Variants in KMT2A observed in about 807,000 individuals in gnomAD.
KMT2A encodes lysine methyltransferase 2A.
A neutral mutation model predicts 345.3 loss-of-function variants in KMT2A; 16 were observed. That is an observed-to-expected ratio of 0.05 (90% confidence interval 0.03 to 0.07). The LOEUF (loss-of-function observed/expected upper bound fraction) is 0.07, where lower values mean the gene tolerates loss of function less well. Ranked by LOEUF, KMT2A falls within the 10% of genes least tolerant of loss-of-function variation. The probability of loss-of-function intolerance (pLI) is 1.00; values close to 1 mark genes in which losing one functional copy is unlikely to be tolerated. For missense variants in KMT2A, 3,272 were observed against 4,841.6 expected (o/e 0.68, Z 9.62); for synonymous variants, 1,599 against 1,778.6 (o/e 0.90, Z 2.54).
chr11:118,491,592 G>T lies in KMT2A; in HGVS notation c.4820-152G>T. 1 of 666,340 alleles carries T rather than the reference G, an allele frequency of 1.5e-6. No individual in the cohort carries two copies. The highest frequency in any genetic ancestry group is 2.4e-6 in the Non-Finnish European group (1 of 412,724). The allele number at this position is 666,340 out of a possible 1,614,324, so 41.3% of individuals were successfully genotyped here. On this transcript the variant is annotated intron_variant, in intron 14 of 35. Coordinates refer to ENST00000534358, the MANE Select transcript of KMT2A (RefSeq NM_001197104.2). This position sits in a 1 kb window ranked among gnomAD's most constrained non-coding sequence, Gnocchi z 4.2. ...GTGTTAATTAATAATGCCACTTTTT[G>T]AGATCAATATGTGTCATATCCATGA...
intron 31 of KMT2A, among the ~76,000 whole-genome samples, chr11:118,514,452 T>C (rs1241948862): frequency 3.3e-5 from 5 of 151,574 alleles, no homozygotes; most frequent in African/African-American, 1.2e-4. Flanking sequence ...TTTTTTTTTT[T>C]TTCTCCAAGA....
chr11:118,458,980 G>T (rs1949697339), intron 1 of KMT2A, among the ~76,000 whole-genome samples: 1 of 152,226 alleles, frequency 6.6e-6, no homozygotes, highest in South Asian at 2.1e-4. Flanking sequence ...TGCATCAGGA[G>T]TGATTTTGAT....
rs1555038045 is a variant in KMT2A, at chr11:118,478,002, C to T, written c.3370C>T (p.Pro1124Ser). 1.2e-6 allele frequency: 2 copies of T among 1,614,082 alleles called. No individual in the cohort carries two copies. The highest frequency in any genetic ancestry group is 2.2e-5 in the South Asian group (2 of 91,068). ...AATTGCTGGCTCAGAAGATGCTGAA[C>T]CTCTTGCTCCACCCATCAAACCAAT... ...SSIAGSEDAE[P>S]LAPPIKPIKP... is the part of the protein sequence containing the mutation. The change falls in exon 5 of 36, where the codon CCT becomes TCT. Residue 1124 changes from proline (P) to serine (S), a missense_variant. Physicochemically the swap from Pro to Ser is moderately conservative, Grantham distance 74 (BLOSUM62 -1). Around this residue, in one of 27 missense-constraint regions of KMT2A, gnomAD observed 33 missense variants for 46.5 expected, o/e 0.71. Coordinates refer to ENST00000534358, the MANE Select transcript of KMT2A (RefSeq NM_001197104.2).
rs1555035894 is a variant in KMT2A, at chr11:118,472,455, G to C, written c.1296G>C (p.Glu432Asp). 1 of 1,613,890 alleles carries C rather than the reference G, an allele frequency of 6.2e-7. No individual in the cohort carries two copies. Among genetic ancestry groups the C allele is most frequent in the Non-Finnish European group, 8.5e-7 (1 of 1,179,996 alleles). Residue 432 changes from glutamate to aspartate, a missense_variant, in exon 3 of 36, where the codon GAG (glutamate) becomes GAC (aspartate). Physicochemically the swap from Glu to Asp is conservative, Grantham distance 45. Around this residue, in one of 27 missense-constraint regions of KMT2A, gnomAD observed 180 missense variants for 190.7 expected, o/e 0.94. Transcript: ENST00000534358. ...CCCCTCGGCGGTTTATAGAGGATGA[G>C]GATTATGACCCTCCAATTAAAATTG... ...IKTPRRFIED[E>D]DYDPPIKIAR...
intron 22 of KMT2A, 68 bp from the exon 23 acceptor site, chr11:118,499,235 C>T (rs1950459410): frequency 1.0e-6 from 1 of 959,478 alleles, no homozygotes; most frequent in Non-Finnish European, 1.7e-6. Context: ...CACTCTGAGA[C>T]AGTCAGGATC....
In KMT2A at chr11:118,524,456, G is replaced by C. The variant is rs1162496414; in HGVS notation, c.*2284G>C. On this transcript the variant is annotated 3_prime_UTR_variant, in exon 36 of 36. Coordinates refer to ENST00000534358, the MANE Select transcript of KMT2A (RefSeq NM_001197104.2). The stretch of plus-strand genomic sequence containing the variant: ...AGAACTTTGTCTGGTGGCTTTGCTG[G>C]AACATTGTCACTGTTTTCACTGTCA... 1.6e-5 allele frequency: 3 copies of C among 189,086 alleles called. No individual in the cohort carries two copies. The highest frequency in any genetic ancestry group is 2.2e-5 in the Non-Finnish European group (2 of 89,590). The allele number at this position is 189,086 out of a possible 1,614,324, so 11.7% of individuals were successfully genotyped here.
intron 4 of KMT2A, among the ~76,000 whole-genome samples, chr11:118,477,513 T>TTC (rs1950060144): frequency 7.8e-6 from 1 of 128,482 alleles, no homozygotes; most frequent in Non-Finnish European, 1.6e-5. Flanking sequence ...TTTTTTTTTT[T>TTC]TTTTTTTTTT....
rs1364750842 is a variant in KMT2A at position 118,510,229 on chromosome 11, G to A, written c.11071+111G>A. 2.5e-6 allele frequency: 2 copies of A among 797,674 alleles called. No homozygotes were observed. The highest frequency in any genetic ancestry group is 1.8e-5 in the African/African-American group (1 of 56,984). The allele number at this position is 797,674 out of a possible 1,614,324, so 49.4% of individuals were successfully genotyped here. A position where few individuals can be genotyped will look rare whatever the true frequency, so the allele number is the denominator to read the frequency against. On this transcript the variant is annotated intron_variant, in intron 30 of 35. Transcript: ENST00000534358. The surrounding 1 kb of genome is among the most constrained non-coding windows in gnomAD (Gnocchi z 4.1). Reference sequence around the variant, plus strand: ...TGGCTGTTTTATGCTAGATGGTAGGGGGATACCTGGAGGCATCATACATTT... The same window carrying A: ...TGGCTGTTTTATGCTAGATGGTAGGAGGATACCTGGAGGCATCATACATTT...
Position 118,484,467 on chromosome 11 carries a change from C to A in KMT2A, c.4218+153C>A. On this transcript the variant is annotated intron_variant, in intron 9 of 35. Transcript: ENST00000534358. The surrounding 1 kb of genome is among the most constrained non-coding windows in gnomAD (Gnocchi z 4.1). ...GCAGGTGGGTTTAGCGCTGGGAGAGCTTTGGTCAGTGTTGTTAGGTCACTG... is the reference window on the plus strand; with the variant it reads ...GCAGGTGGGTTTAGCGCTGGGAGAGATTTGGTCAGTGTTGTTAGGTCACTG... 1.4e-6 allele frequency: 1 copy of A among 737,240 alleles called. No homozygotes were observed. Among genetic ancestry groups the A allele is most frequent in the Non-Finnish European group, 2.2e-6 (1 of 457,054 alleles). The allele number at this position is 737,240 out of a possible 1,614,324, so 45.7% of individuals were successfully genotyped here.
At chr11:118,519,061 G>A (rs1464814425) in intron 31 of KMT2A, among the ~76,000 whole-genome samples, 2 of 113,026 alleles carry the variant, frequency 1.8e-5, no homozygotes, top group African/African-American at 6.8e-5. Context: ...CTGGGTGGCA[G>A]AGTGAGACTC....
chr11:118,512,577 G>A (rs1412548871), intron 31 of KMT2A, among the ~76,000 whole-genome samples: 5 of 152,044 alleles, frequency 3.3e-5, no homozygotes, highest in African/African-American at 4.8e-5. Flanking sequence ...TTTCTGCTAC[G>A]AATAATGTTG....
In KMT2A at chr11:118,490,286, T is replaced by C. The variant is rs782612820; in HGVS notation, c.4696+37T>C. ...AGCCAGTTTTGCCAGCTTTCGGAGG[T>C]TGTACTTGGTGTTCTGGAGGTGAAC... is the stretch of plus-strand genomic sequence containing the variant. On this transcript the variant is annotated intron_variant, in intron 13 of 35. Transcript: ENST00000534358. This position sits in a 1 kb window ranked among gnomAD's most constrained non-coding sequence, Gnocchi z 4.2. 1 of 1,518,476 alleles carries C rather than the reference T, an allele frequency of 6.6e-7. No homozygotes were observed. The highest frequency in any genetic ancestry group is 8.8e-7 in the Non-Finnish European group (1 of 1,142,774). 94.1% of individuals were successfully genotyped at this position (1,518,476 alleles called of 1,614,324 possible).
chr11:118,459,328 A>G (rs2134223453), intron 1 of KMT2A, among the ~76,000 whole-genome samples: 1 of 152,240 alleles, frequency 6.6e-6, no homozygotes, highest in South Asian at 2.1e-4. Flanking sequence ...CAGCCTCCCA[A>G]AGTGCTGGGA....
At chr11:118,441,688 G>T (rs1949317226) in intron 1 of KMT2A, among the ~76,000 whole-genome samples, 1 of 152,152 alleles carries the variant, frequency 6.6e-6, no homozygotes, top group Non-Finnish European at 1.5e-5. Flanking sequence ...TTCTGAAATG[G>T]TTTATACTGA....
At chr11:118,457,791 C>T (rs890000335) in intron 1 of KMT2A, among the ~76,000 whole-genome samples, 9 of 151,820 alleles carry the variant, frequency 5.9e-5, no homozygotes, top group Admixed American at 1.3e-4. Flanking sequence ...ATGGCCTTCC[C>T]GATCCTTTCT....
intron 7 of KMT2A, 100 bp from the exon 8 acceptor site, chr11:118,482,322 G>GTTT (rs59281381): frequency 2.0e-3 from 1,322 of 677,066 alleles, no homozygotes; most frequent in South Asian, 3.9e-3. Flanking sequence ...AGTTTAAATA[G>GTTT]TTTTTTTTTT....
At position 118,510,215 on chromosome 11, in the gene KMT2A, T is replaced by A. The variant is rs1950659260; in HGVS notation, c.11071+97T>A. ...TAGCACCATTTAGGTGGCTGTTTTA[T>A]GCTAGATGGTAGGGGGATACCTGGA... On this transcript the variant is annotated intron_variant, in intron 30 of 35. Coordinates refer to ENST00000534358, the MANE Select transcript of KMT2A (RefSeq NM_001197104.2). The surrounding 1 kb of genome is among the most constrained non-coding windows in gnomAD (Gnocchi z 4.1). 3 of 956,096 alleles carry A rather than the reference T, an allele frequency of 3.1e-6. No individual in the cohort carries two copies. Among genetic ancestry groups the A allele is most frequent in the Non-Finnish European group, 4.7e-6 (3 of 644,294 alleles). The allele number at this position is 956,096 out of a possible 1,614,324, so 59.2% of individuals were successfully genotyped here. A position where few individuals can be genotyped will look rare whatever the true frequency, so the allele number is the denominator to read the frequency against.
In KMT2A at chr11:118,510,968, G is replaced by C. The variant is rs192863035; in HGVS notation, c.11071+850G>C. ...GGCAGGACTGCATTTGGTGGGTTTA[G>C]AGTAGTGTCAGGTGAGATGGCATTG... On this transcript the variant is annotated intron_variant, in intron 30 of 35. Transcript: ENST00000534358. The surrounding 1 kb of genome is among the most constrained non-coding windows in gnomAD (Gnocchi z 4.1). Among the ~76,000 whole-genome samples the C allele has an allele frequency of 5.3e-4, 80 of 152,312 alleles. No homozygotes were observed. Among genetic ancestry groups the C allele is most frequent in the African/African-American group, 1.9e-3 (78 of 41,572 alleles).
At chr11:118,517,408 A>AAAAAAG (rs1555051897) in intron 31 of KMT2A, among the ~76,000 whole-genome samples, 3 of 151,528 alleles carry the variant, frequency 2.0e-5, no homozygotes, top group Non-Finnish European at 4.4e-5. Context: ...AAAAAAAAAA[A>AAAAAAG]AAAAGAAAAG....
Sources: allele counts gnomAD v4.1 joint callset (sites outside exome capture counted in the v4.1 genomes callset), GRCh38; gene constraint gnomAD v4.1.1; regional missense constraint gnomAD v4.1.1; non-coding constraint Gnocchi (gnomAD v3.1); transcripts MANE v1.5; gene names NCBI Gene and HGNC (gene_info 2026-07-23, HGNC 2026-07-21).